HSD17B12: variants seen among roughly 807,000 people sequenced by gnomAD.
The protein encoded by HSD17B12 is very-long-chain 3-oxoacyl-CoA reductase.
A neutral mutation model predicts 39.3 loss-of-function variants in HSD17B12; 32 were observed. The ratio of observed to expected loss-of-function variants is 0.81; its 90% CI spans 0.61 to 1.09. The LOEUF (loss-of-function observed/expected upper bound fraction) is 1.09. Among genes scored for constraint, HSD17B12 ranks in the 50% least tolerant of loss-of-function variants. The pLI, the probability that HSD17B12 is intolerant of heterozygous loss-of-function variation, is 0.00. For synonymous variants in HSD17B12, 150 were observed against 146.7 expected (o/e 1.02, Z -0.16); for missense variants, 342 against 382.9 (o/e 0.89, Z 0.89).
intron 3 of HSD17B12, among the ~76,000 whole-genome samples, chr11:43,761,082 C>T (rs756417746): frequency 1.3e-5 from 2 of 151,894 alleles, no homozygotes; most frequent in Non-Finnish European, 2.9e-5. Context: ...GTGAGCTAGT[C>T]CCAGGATAGT....
intron 7 of HSD17B12, among the ~76,000 whole-genome samples, chr11:43,832,381 G>C (rs1215713931): frequency 6.6e-6 from 1 of 152,210 alleles, no homozygotes; most frequent in Non-Finnish European, 1.5e-5. Context: ...TTTTAATTAT[G>C]TTGATGAAAA....
At chr11:43,694,221 C>T (rs1390396104) in intron 1 of HSD17B12, among the ~76,000 whole-genome samples, 1 of 152,168 alleles carries the variant, frequency 6.6e-6, no homozygotes, top group Non-Finnish European at 1.5e-5. Context: ...GATGGAGATG[C>T]AGTGACTGGT....
chr11:43,691,242 G>T (rs144255997), intron 1 of HSD17B12, among the ~76,000 whole-genome samples: 3 of 152,324 alleles, frequency 2.0e-5, no homozygotes, highest in East Asian at 3.9e-4. Context: ...CACTGTCCAG[G>T]TAACCAGGCA....
chr11:43,792,116 G>A (rs1950872910), intron 3 of HSD17B12, among the ~76,000 whole-genome samples: 1 of 152,140 alleles, frequency 6.6e-6, no homozygotes, highest in Admixed American at 6.5e-5. Context: ...TCTTTGTTGG[G>A]GGATGTCTCA....
At chr11:43,779,797 T>C (rs1950746745) in intron 3 of HSD17B12, among the ~76,000 whole-genome samples, 1 of 152,176 alleles carries the variant, frequency 6.6e-6, no homozygotes, top group Non-Finnish European at 1.5e-5. Context: ...GTAGGCAAAA[T>C]ATTTTCCACA....
At position 43,721,948 on chromosome 11, in the gene HSD17B12, A is replaced by G. The variant is rs145234777; in HGVS notation, c.161-28963A>G. 8.0e-4 allele frequency among the ~76,000 whole-genome samples: 122 copies of G among 152,314 alleles called. 1 individual carries two copies. Among genetic ancestry groups the G allele is most frequent in the African/African-American group, 2.8e-3 (116 of 41,572 alleles). ...GTAGGATGTTGTAAAGGAGGCTTGC[A>G]GTCATCTAGGGGAGGTATAAATGAT... On this transcript the variant is annotated intron_variant, in intron 1 of 10. Coordinates refer to ENST00000278353, the MANE Select transcript of HSD17B12 (RefSeq NM_016142.3).
At chr11:43,652,035 T>C in the HSD17B12 span, among the ~76,000 whole-genome samples, 586 of 152,286 alleles carry the variant, frequency 3.8e-3, 2 homozygotes, top group Non-Finnish European at 6.5e-3. Context: ...ATTGGAAGAC[T>C]CAATGTTGTT....
intron 1 of HSD17B12, among the ~76,000 whole-genome samples, chr11:43,742,949 A>G (rs1185614046): frequency 6.6e-6 from 1 of 152,218 alleles, no homozygotes. Context: ...TATTTGTACA[A>G]TGTAAAGTCA....
chr11:43,575,540 G>A, the HSD17B12 span, among the ~76,000 whole-genome samples: 1 of 152,228 alleles, frequency 6.6e-6, no homozygotes, highest in Non-Finnish European at 1.5e-5. The surrounding 1 kb of genome is among the most constrained non-coding windows in gnomAD (Gnocchi z 4.1). Context: ...CACGCCCCTC[G>A]GGGCCCCGCT....
At chr11:43,664,012 G>T in the HSD17B12 span, among the ~76,000 whole-genome samples, 1 of 151,894 alleles carries the variant, frequency 6.6e-6, no homozygotes, top group East Asian at 1.9e-4. Context: ...ACCATGCCTG[G>T]CTAATTTCTG....
the HSD17B12 span, among the ~76,000 whole-genome samples, chr11:43,590,807 CTTT>C: frequency 0.052 from 6,476 of 125,358 alleles, 281 homozygotes; most frequent in African/African-American, 0.11. Flanking sequence ...CCCAGCTCGA[CTTT>C]TTTTTTTTTT....
chr11:43,839,915 G>C, intron 8 of HSD17B12, 84 bp from the exon 9 acceptor site: 9 of 1,077,830 alleles, frequency 8.4e-6, no homozygotes, highest in Non-Finnish European at 1.3e-5. Flanking sequence ...TAAATGATTA[G>C]TTTATTATTT....
intron 6 of HSD17B12, among the ~76,000 whole-genome samples, chr11:43,821,017 G>A (rs546224736): frequency 5.6e-4 from 86 of 152,280 alleles, no homozygotes; most frequent in Non-Finnish European, 7.8e-4. Flanking sequence ...GAAATTGTAG[G>A]TCACCACCAG....
intron 1 of HSD17B12, chr11:43,733,870 A>G (rs1396179803): frequency 2.9e-6 from 2 of 678,560 alleles, no homozygotes; most frequent in Admixed American, 3.8e-5. Flanking sequence ...CAGAGCTGCG[A>G]TCTTTGACCA....
At chr11:43,838,762 A>G (rs570388603) in intron 8 of HSD17B12, among the ~76,000 whole-genome samples, 2 of 152,220 alleles carry the variant, frequency 1.3e-5, no homozygotes, top group South Asian at 4.1e-4. Context: ...CTAAGATTGG[A>G]GATTTGATAC....
At chr11:43,736,682 C>T (rs934381287) in intron 1 of HSD17B12, among the ~76,000 whole-genome samples, 1 of 152,068 alleles carries the variant, frequency 6.6e-6, no homozygotes, top group Non-Finnish European at 1.5e-5. Context: ...TTAGAGTGGT[C>T]TTATATTGCA....
intron 1 of HSD17B12, among the ~76,000 whole-genome samples, chr11:43,742,200 C>T (rs1337927982): frequency 1.3e-5 from 2 of 149,538 alleles, no homozygotes; most frequent in Non-Finnish European, 3.0e-5. Flanking sequence ...TACAGTGCCG[C>T]AATCATAACT....
chr11:43,834,210 G>A (rs1565106511), intron 7 of HSD17B12: 1 of 152,040 alleles, frequency 6.6e-6, no homozygotes, highest in East Asian at 1.9e-4. Context: ...ATTTTTATAG[G>A]TTTCTCAGTC....
Position 43,750,909 on chromosome 11 carries a change from A to G in HSD17B12, c.161-2A>G. On this transcript the variant is annotated splice_acceptor_variant, in intron 1 of 10. Coordinates refer to ENST00000278353, the MANE Select transcript of HSD17B12 (RefSeq NM_016142.3). LOFTEE classifies it high-confidence loss of function. The stretch of plus-strand genomic sequence containing the variant: ...AAACTATTGCTTTTTTCCCTTTCCC[A>G]GTTGTCACAGGTAGTACTGATGGAA... The G allele has an allele frequency of 6.3e-7, 1 of 1,597,268 alleles. No individual in the cohort carries two copies. The highest frequency in any genetic ancestry group is 8.5e-7 in the Non-Finnish European group (1 of 1,170,088).
Sources: gnomAD v4.1 joint callset for allele counts (sites outside exome capture counted in the v4.1 genomes callset) on GRCh38, gnomAD v4.1.1 for gene constraint, Gnocchi (gnomAD v3.1) non-coding constraint, MANE v1.5 for transcripts, NCBI Gene and HGNC (gene_info 2026-07-23, HGNC 2026-07-21) for gene names.